Variants in PIP5K1C observed in about 807,000 individuals in gnomAD.
PIP5K1C encodes the protein phosphatidylinositol-4-phosphate 5-kinase type 1 gamma.
PIP5K1C carries 45 observed loss-of-function variants against 80.1 expected under a neutral mutation model. The ratio of observed to expected loss-of-function variants is 0.56; its 90% CI spans 0.44 to 0.72. The LOEUF is 0.72. Among genes scored for constraint, PIP5K1C ranks in the 30% least tolerant of loss-of-function variants. The pLI is 0.00. For synonymous variants in PIP5K1C, 498 were observed against 420.1 expected, an observed-to-expected ratio of 1.19 and a Z score of -2.27; for missense variants, 753 against 954.6, an observed-to-expected ratio of 0.79 and a Z score of 2.78.
chr19:3,655,463 C>T (rs553358601), intron 6 of PIP5K1C, among the ~76,000 whole-genome samples: 2 of 152,326 alleles, frequency 1.3e-5, no homozygotes, highest in East Asian at 3.9e-4. Context: ...AGAAAATAGT[C>T]TTTGATGACA....
intron 13 of PIP5K1C, 65 bp from the exon 14 acceptor site, chr19:3,643,004 C>T (rs1014769154): frequency 5.1e-6 from 8 of 1,578,784 alleles, no homozygotes; most frequent in Admixed American, 3.3e-5. Context: ...AGTCTACCTG[C>T]CTTGCCTACC....
chr19:3,660,304 C>T (rs1446924453), intron 5 of PIP5K1C, among the ~76,000 whole-genome samples: 3 of 151,806 alleles, frequency 2.0e-5, no homozygotes, highest in Non-Finnish European at 4.4e-5. Flanking sequence ...GGCGTGAACC[C>T]AGGAGGCGGA....
chr19:3,677,754 G>T (rs1224125636), intron 1 of PIP5K1C, among the ~76,000 whole-genome samples: 9 of 121,536 alleles, frequency 7.4e-5, no homozygotes, highest in Non-Finnish European at 8.8e-5. Flanking sequence ...GATGGAGGGA[G>T]GGATGGAGGA....
intron 4 of PIP5K1C, 102 bp from the exon 5 acceptor site, chr19:3,661,185 C>A: frequency 1.1e-5 from 8 of 741,892 alleles, no homozygotes; most frequent in Non-Finnish European, 1.9e-5. Context: ...GAGCCTCTAG[C>A]GGCTCAGCTC....
rs760468806 is a variant in PIP5K1C, at chr19:3,683,394, C to T, written c.95-16041G>A. 2.9e-4 allele frequency among the ~76,000 whole-genome samples: 44 copies of T among 152,168 alleles called. 1 individual carries two copies. The highest frequency in any genetic ancestry group is 4.1e-4 in the South Asian group (2 of 4,826). ...GAGCCCAGGGGCGCAGGCTGCTTCCCGTCTCTAACCACTGAGCCACCCTGG... is the reference window on the plus strand; with the variant it reads ...GAGCCCAGGGGCGCAGGCTGCTTCCTGTCTCTAACCACTGAGCCACCCTGG... On this transcript the variant is annotated intron_variant, in intron 1 of 17. Coordinates refer to ENST00000335312, the MANE Select transcript of PIP5K1C (RefSeq NM_012398.3).
intron 1 of PIP5K1C, among the ~76,000 whole-genome samples, chr19:3,687,590 TACAC>T (rs912897765): frequency 6.7e-6 from 1 of 148,450 alleles, no homozygotes; most frequent in African/African-American, 2.5e-5. Flanking sequence ...CACATGCAGA[TACAC>T]ACATGCATAC....
chr19:3,637,475 C>A lies in PIP5K1C; in HGVS notation c.1920+1409G>T, dbSNP rs1313106692. The A allele has an allele frequency of 1.3e-6, 2 of 1,535,708 alleles. No homozygotes were observed. Among genetic ancestry groups the A allele is most frequent in the Non-Finnish European group, 1.7e-6 (2 of 1,146,794 alleles). On this transcript the variant is annotated intron_variant, in intron 16 of 17. Transcript: ENST00000335312. The surrounding 1 kb of genome is among the most constrained non-coding windows in gnomAD (Gnocchi z 7.0). Reference sequence around the variant, plus strand: ...TGAGCTTCCGGCCGGGGACCTGCGGCTCCCTGCTGCCCGAGGGGCACTGCC... The same window carrying A: ...TGAGCTTCCGGCCGGGGACCTGCGGATCCCTGCTGCCCGAGGGGCACTGCC...
intron 5 of PIP5K1C, among the ~76,000 whole-genome samples, chr19:3,659,743 T>C (rs1484153764): frequency 6.6e-6 from 1 of 152,012 alleles, no homozygotes; most frequent in African/African-American, 2.4e-5. Flanking sequence ...GTGTCACACG[T>C]ACCCCTGGCT....
chr19:3,649,073 G>A (rs1007083100), intron 8 of PIP5K1C, among the ~76,000 whole-genome samples: 2 of 148,946 alleles, frequency 1.3e-5, no homozygotes, highest in African/African-American at 2.5e-5. Flanking sequence ...ATGCCCACAC[G>A]TCCCCTGCCC....
chr19:3,652,378 C>T (rs1482492996), intron 7 of PIP5K1C, among the ~76,000 whole-genome samples: 1 of 152,240 alleles, frequency 6.6e-6, no homozygotes, highest in Non-Finnish European at 1.5e-5. Context: ...CAAGGACGTG[C>T]CCGGCCTGAC....
intron 10 of PIP5K1C, 105 bp from the exon 11 acceptor site, chr19:3,646,163 G>A: frequency 6.7e-6 from 5 of 750,672 alleles, no homozygotes; most frequent in East Asian, 5.1e-5. Flanking sequence ...CACCTTCTGT[G>A]TGAAAAGGCT....
chr19:3,678,512 T>TGGGATGGAGGGA (rs2035477000), intron 1 of PIP5K1C, among the ~76,000 whole-genome samples: 1 of 27,506 alleles, frequency 3.6e-5, no homozygotes. Flanking sequence ...GGAAGGATGG[T>TGGGATGGAGGGA]GGGATGGAGG....
At chr19:3,697,588 G>A (rs2036166186) in intron 1 of PIP5K1C, among the ~76,000 whole-genome samples, 1 of 152,200 alleles carries the variant, frequency 6.6e-6, no homozygotes, top group African/African-American at 2.4e-5. Context: ...TTCTGGGCCA[G>A]TTCTGAAGGT....
rs148544211 is a variant in PIP5K1C, at chr19:3,642,175, C to G, written c.1683-366G>C. On this transcript the variant is annotated intron_variant, in intron 14 of 17. Coordinates refer to ENST00000335312, the MANE Select transcript of PIP5K1C (RefSeq NM_012398.3). Reference sequence around the variant, plus strand: ...GGGCCTGGCCATGTAACATGTCTCTCCAAATGGCACGCTAGACTGCAGGGA... The same window carrying G: ...GGGCCTGGCCATGTAACATGTCTCTGCAAATGGCACGCTAGACTGCAGGGA... Among the ~76,000 whole-genome samples, 1,025 of 152,326 alleles carry G rather than the reference C, an allele frequency of 6.7e-3. 7 individuals carry two copies. Among genetic ancestry groups the G allele is most frequent in the African/African-American group, 0.023 (962 of 41,556 alleles).
chr19:3,664,592 C>A (rs1439095835), intron 3 of PIP5K1C, among the ~76,000 whole-genome samples: 4 of 152,290 alleles, frequency 2.6e-5, no homozygotes, highest in African/African-American at 9.6e-5. Flanking sequence ...GGCGTTGCAG[C>A]CAGGCTGAGC....
rs1337725922 is a variant in PIP5K1C at position 3,688,133 on chromosome 19, A to T, written c.94+12164T>A. On this transcript the variant is annotated intron_variant, in intron 1 of 17. Transcript: ENST00000335312. The surrounding 1 kb of genome is among the most constrained non-coding windows in gnomAD (Gnocchi z 5.3). ...GGAGATCCTGATGGGCCCCGAGCTG[A>T]GGCTCCCGCAGCCAGGGTCTGCGCG... 6.6e-6 allele frequency among the ~76,000 whole-genome samples: 1 copy of T among 152,084 alleles called. No homozygotes were observed. The highest frequency in any genetic ancestry group is 1.5e-5 in the Non-Finnish European group (1 of 67,982).
chr19:3,685,687 GCCACTGCACT>G (rs2035739294), intron 1 of PIP5K1C, among the ~76,000 whole-genome samples: 1 of 151,410 alleles, frequency 6.6e-6, no homozygotes, highest in Non-Finnish European at 1.5e-5. Context: ...CTGAGATCAT[GCCACTGCACT>G]CCAGCCTGGG....
At chr19:3,695,594 T>C (rs4806949) in intron 1 of PIP5K1C, among the ~76,000 whole-genome samples, 70,820 of 152,054 alleles carry the variant, frequency 0.47, 18,864 homozygotes, top group African/African-American at 0.74. Flanking sequence ...CAGGCTGTGG[T>C]GGTCACAGTG....
chr19:3,664,677 C>T, intron 3 of PIP5K1C, 145 bp downstream of exon 3: 1 of 768,444 alleles, frequency 1.3e-6, no homozygotes. Context: ...GGACTCCAGC[C>T]TCTGCCTCCA....
Sources: allele counts gnomAD v4.1 joint callset (sites outside exome capture counted in the v4.1 genomes callset), GRCh38; gene constraint gnomAD v4.1.1; non-coding constraint Gnocchi (gnomAD v3.1); transcripts MANE v1.5; gene names NCBI Gene and HGNC (gene_info 2026-07-23, HGNC 2026-07-21).